DNM2: variants seen among roughly 807,000 people sequenced by gnomAD.
DNM2 encodes dynamin 2.
DNM2 carries 15 observed loss-of-function variants against 99.0 expected under a neutral mutation model. The ratio of observed to expected loss-of-function variants is 0.15; its 90% CI spans 0.10 to 0.23. The LOEUF is 0.23. Among genes scored for constraint, DNM2 ranks in the 10% least tolerant of loss-of-function variants. The probability of loss-of-function intolerance (pLI) is 1.00; values close to 1 mark genes in which losing one functional copy is unlikely to be tolerated. For synonymous variants in DNM2, 525 were observed against 481.2 expected, an observed-to-expected ratio of 1.09 and a Z score of -1.19; for missense variants, 742 against 1,189.4, an observed-to-expected ratio of 0.62 and a Z score of 5.53.
chr19:10,734,057 A>G (rs532237144), intron 1 of DNM2, among the ~76,000 whole-genome samples: 1 of 151,882 alleles, frequency 6.6e-6, no homozygotes, highest in South Asian at 2.1e-4. Flanking sequence ...TTGGTATACT[A>G]CTATTAAGTG....
rs2145637630 is a variant in DNM2 at position 10,718,283 on chromosome 19, A to G, written c.41A>G (p.Asn14Ser). 2.7e-6 allele frequency: 4 copies of G among 1,498,742 alleles called. No homozygotes were observed. Among genetic ancestry groups the G allele is most frequent in the Non-Finnish European group, 3.6e-6 (4 of 1,123,426 alleles). 92.8% of individuals were successfully genotyped at this position (1,498,742 alleles called of 1,614,324 possible). A position where few individuals can be genotyped will look rare whatever the true frequency, so the allele number is the denominator to read the frequency against. ...ATGGAAGAGCTGATCCCGCTGGTCA[A>G]CAAACTGCAGGACGCCTTCAGCTCC... is the stretch of plus-strand genomic sequence containing the variant. ...RGMEELIPLV[N>S]KLQDAFSSIG... is the part of the protein sequence containing the mutation. Residue 14 changes from asparagine to serine, a missense_variant, in exon 1 of 21, where the codon AAC becomes AGC. By Grantham distance (46) the Asn-to-Ser change is conservative (BLOSUM62 1). Coordinates refer to ENST00000389253, the MANE Select transcript of DNM2 (RefSeq NM_001005361.3).
chr19:10,797,997 G>A (rs1015490878), intron 10 of DNM2, among the ~76,000 whole-genome samples: 16 of 152,238 alleles, frequency 1.1e-4, no homozygotes, highest in African/African-American at 2.9e-4. Context: ...TGGGGAGGTG[G>A]GGGCATTTGG....
Position 10,831,190 on chromosome 19 carries a change from T to C in DNM2, c.*143T>C. The C allele has an allele frequency of 7.1e-7, 1 of 1,403,692 alleles. No homozygotes were observed. Among genetic ancestry groups the C allele is most frequent in the Non-Finnish European group, 9.2e-7 (1 of 1,082,488 alleles). 87.0% of individuals were successfully genotyped at this position (1,403,692 alleles called of 1,614,324 possible). A position where few individuals can be genotyped will look rare whatever the true frequency, so the allele number is the denominator to read the frequency against. On this transcript the variant is annotated 3_prime_UTR_variant, in exon 21 of 21. Coordinates refer to ENST00000389253, the MANE Select transcript of DNM2 (RefSeq NM_001005361.3). The surrounding 1 kb of genome is among the most constrained non-coding windows in gnomAD (Gnocchi z 4.3). ...GCCTCTTCCTTAACGCTGGCCCCGG[T>C]CCAGGGCCGGCCCCTGTGCCTGGCT...
rs779949390 is a variant in DNM2, at chr19:10,793,814, A to T, written c.1087A>T (p.Asn363Tyr). 1.2e-6 allele frequency: 2 copies of T among 1,614,066 alleles called. No individual in the cohort carries two copies. Among genetic ancestry groups the T allele is most frequent in the Non-Finnish European group, 1.7e-6 (2 of 1,180,042 alleles). The stretch of plus-strand genomic sequence containing the variant: ...GGAGCTCTCCGGGGGCGCCCGAATC[A>T]ATCGCATCTTCCACGAGCGGTTCCC... Reference protein sequence around the residue: ...TLELSGGARINRIFHERFPFE... With the variant: ...TLELSGGARIYRIFHERFPFE... The change falls in exon 8 of 21, where the codon AAT becomes TAT. Residue 363 changes from asparagine to tyrosine, a missense_variant. Physicochemically the swap from Asn to Tyr is moderately radical, Grantham distance 143. Coordinates refer to ENST00000389253, the MANE Select transcript of DNM2 (RefSeq NM_001005361.3).
chr19:10,829,895 T>G (rs1186169846), intron 19 of DNM2, among the ~76,000 whole-genome samples: 1 of 152,086 alleles, frequency 6.6e-6, no homozygotes, highest in Non-Finnish European at 1.5e-5. Context: ...TCTTTGGCTG[T>G]GAGGGTGGAT....
intron 1 of DNM2, among the ~76,000 whole-genome samples, chr19:10,746,727 G>GTTTTTTTTTTTTTTT (rs757494612): frequency 1.7e-5 from 2 of 116,210 alleles, no homozygotes; most frequent in Non-Finnish European, 3.3e-5. Context: ...CTTTTTTTTT[G>GTTTTTTTTTTTTTTT]TTTTTTGTTT....
chr19:10,826,963 G>C (rs1033325593), intron 18 of DNM2, among the ~76,000 whole-genome samples: 5 of 151,922 alleles, frequency 3.3e-5, no homozygotes, highest in Admixed American at 3.3e-4. Flanking sequence ...CTCCCACACA[G>C]GGTGTGGCTG....
intron 6 of DNM2, among the ~76,000 whole-genome samples, chr19:10,784,699 A>T (rs1419689259): frequency 6.6e-6 from 1 of 150,940 alleles, no homozygotes; most frequent in African/African-American, 2.5e-5. Flanking sequence ...CAGGGCAGGG[A>T]CCCTTGGTCA....
chr19:10,739,274 A>C (rs973725032), intron 1 of DNM2, among the ~76,000 whole-genome samples: 3 of 152,244 alleles, frequency 2.0e-5, no homozygotes, highest in African/African-American at 7.2e-5. Flanking sequence ...ATTTTTATTG[A>C]AATATAATTC....
At chr19:10,759,159 A>C in intron 1 of DNM2, among the ~76,000 whole-genome samples, 1 of 152,178 alleles carries the variant, frequency 6.6e-6, no homozygotes, top group Non-Finnish European at 1.5e-5. Flanking sequence ...GGGTCTTACT[A>C]TCTTGTCCAG....
At chr19:10,782,449 G>T (rs569954527) in intron 5 of DNM2, among the ~76,000 whole-genome samples, 6 of 151,448 alleles carry the variant, frequency 4.0e-5, no homozygotes, top group African/African-American at 1.5e-4. Context: ...ACCTCCGCCT[G>T]CCGGGTTCAA....
intron 7 of DNM2, among the ~76,000 whole-genome samples, chr19:10,791,619 C>T (rs1204483237): frequency 6.6e-6 from 1 of 152,142 alleles, no homozygotes; most frequent in Non-Finnish European, 1.5e-5. Context: ...CCTCCAGGGC[C>T]CCCAGGAGGC....
At chr19:10,810,334 C>T (rs1439158031) in intron 14 of DNM2, 2 of 152,530 alleles carry the variant, frequency 1.3e-5, no homozygotes, top group Non-Finnish European at 2.9e-5. Flanking sequence ...GCAAACCTGA[C>T]TTTCTGCTGA....
intron 16 of DNM2, among the ~76,000 whole-genome samples, chr19:10,822,314 C>T (rs1400874031): frequency 1.3e-5 from 2 of 151,752 alleles, no homozygotes; most frequent in African/African-American, 2.4e-5. Flanking sequence ...CTCGGCCTCC[C>T]GAGTAGCTGG....
Position 10,796,475 on chromosome 19 carries a change from T to C in DNM2, c.1197-905T>C, listed in dbSNP as rs2071938079. 6.6e-6 allele frequency among the ~76,000 whole-genome samples: 1 copy of C among 152,072 alleles called. No individual in the cohort carries two copies. The highest frequency in any genetic ancestry group is 6.6e-5 in the Admixed American group (1 of 15,248). ...CAAGCCTAGCATGTGTCTGATGAAA[T>C]TGGGGTTTCACTGGGCTGTTGCTTT... On this transcript the variant is annotated intron_variant, in intron 9 of 20. Transcript: ENST00000389253. The surrounding 1 kb of genome is among the most constrained non-coding windows in gnomAD (Gnocchi z 5.6).
intron 1 of DNM2, among the ~76,000 whole-genome samples, chr19:10,749,725 T>C (rs2070127573): frequency 6.6e-6 from 1 of 152,254 alleles, no homozygotes; most frequent in African/African-American, 2.4e-5. Flanking sequence ...TGGCAGGCAC[T>C]GTTCTAGGTG....
intron 15 of DNM2, among the ~76,000 whole-genome samples, chr19:10,819,685 G>A (rs969281323): frequency 2.0e-5 from 3 of 152,140 alleles, no homozygotes; most frequent in East Asian, 1.9e-4. Context: ...GGGAGGGTGC[G>A]GGTAGAGTTA....
Position 10,830,148 on chromosome 19 carries a change from G to A in DNM2, c.2313G>A (p.Pro771=), listed in dbSNP as rs147463138. The A allele has an allele frequency of 1.9e-4, 308 of 1,613,708 alleles. No individual in the cohort carries two copies. The highest frequency in any genetic ancestry group is 2.3e-4 in the Non-Finnish European group (274 of 1,179,836). Residue 771 remains proline, a synonymous_variant, in exon 20 of 21, where the codon CCG becomes CCA. Coordinates refer to ENST00000389253, the MANE Select transcript of DNM2 (RefSeq NM_001005361.3). The surrounding 1 kb of genome is among the most constrained non-coding windows in gnomAD (Gnocchi z 4.8). ...SSHSPTPQRR[P]VSSIHPPGRP... Reference sequence around the variant, plus strand: ...ACAGCCCCACTCCACAGCGCCGACCGGTGTCCAGCATACACCCCCCTGGCC... The same window carrying A: ...ACAGCCCCACTCCACAGCGCCGACCAGTGTCCAGCATACACCCCCCTGGCC...
At chr19:10,798,389 T>C (rs2072014986) in intron 10 of DNM2, 97 bp from the exon 11 acceptor site, 2 of 730,220 alleles carry the variant, frequency 2.7e-6, no homozygotes, top group Admixed American at 2.5e-5. Flanking sequence ...TCATATCTCA[T>C]TCCCCACCCC....
Sources: allele counts gnomAD v4.1 joint callset (sites outside exome capture counted in the v4.1 genomes callset), GRCh38; gene constraint gnomAD v4.1.1; non-coding constraint Gnocchi (gnomAD v3.1); transcripts MANE v1.5; gene names NCBI Gene and HGNC (gene_info 2026-07-23, HGNC 2026-07-21).